Variants in TMC2 observed in about 807,000 individuals in gnomAD.
TMC2 encodes the protein transmembrane channel-like protein 2.
Under a neutral mutation model 105.9 loss-of-function variants are expected in TMC2, and 102 were observed. That is an observed-to-expected ratio of 0.96 (90% CI 0.82 to 1.14). TMC2 has a LOEUF of 1.14. TMC2 is among the 50% of genes most tolerant of loss of function. TMC2 has a pLI of 0.00. For synonymous variants in TMC2, 402 were observed against 422.8 expected (o/e 0.95, Z 0.60); for missense variants, 1,093 against 1,134.3 (o/e 0.96, Z 0.52).
At chr20:2,577,235 T>C (rs1193620035) in intron 5 of TMC2, among the ~76,000 whole-genome samples, 1 of 151,748 alleles carries the variant, frequency 6.6e-6, no homozygotes, top group Non-Finnish European at 1.5e-5. Context: ...GAGACAGGGT[T>C]TCACTATGTT....
rs553901966 is a variant in TMC2, at chr20:2,568,423, A to G, written c.555-3756A>G. Among the ~76,000 whole-genome samples the G allele has an allele frequency of 3.9e-5, 6 of 152,316 alleles. No homozygotes were observed. The South Asian group carries it at 8.3e-4, about 21-fold the overall frequency. On this transcript the variant is annotated intron_variant, in intron 4 of 19. Coordinates refer to ENST00000358864, the MANE Select transcript of TMC2 (RefSeq NM_080751.3). ...ACTCTTCACAGTGACTGGTCTTCAT[A>G]GTTTGCAACTAGCCTTTGGTAGGGT...
Position 2,579,956 on chromosome 20 carries a change from T to G in TMC2, c.734T>G (p.Phe245Cys). ...EMKIKDIESH[F>C]GSSVASYFIF... is the part of the protein sequence containing the mutation. ...CCGTCTTTTCTCTCTCTAGGTCACT[T>G]TGGTTCTTCAGTGGCATCGTATTTC... is the stretch of plus-strand genomic sequence containing the variant. Residue 245 changes from phenylalanine to cysteine, a missense_variant, in exon 7 of 20, where the codon TTT becomes TGT. By Grantham distance (205) the Phe-to-Cys change is radical. Transcript: ENST00000358864. 6.2e-7 allele frequency: 1 copy of G among 1,613,056 alleles called. No individual in the cohort carries two copies. The highest frequency in any genetic ancestry group is 8.5e-7 in the Non-Finnish European group (1 of 1,179,060).
At chr20:2,609,592 T>C (rs80126280) in intron 11 of TMC2, among the ~76,000 whole-genome samples, 4,057 of 152,264 alleles carry the variant, frequency 0.027, 190 homozygotes, top group African/African-American at 0.09. Flanking sequence ...CCATGAGAGC[T>C]GAAGAGGCAG....
chr20:2,579,166 A>G lies in TMC2; in HGVS notation c.666A>G (p.Arg222=). The G allele has an allele frequency of 1.9e-6, 3 of 1,592,314 alleles. No individual in the cohort carries two copies. The highest frequency in any genetic ancestry group is 2.6e-6 in the Non-Finnish European group (3 of 1,160,544). The change falls in exon 6 of 20, where the codon AGA becomes AGG. Residue 222 remains arginine (R), a synonymous_variant. Transcript: ENST00000358864. ...LMAKKWVKFK[R]DFDNFKTQCI... is the part of the protein sequence containing the mutation. ...TTCAGAAATGGGTCAAATTTAAGAGAGACTTTGATAATTTCAAGACTCAAT... is the reference window on the plus strand; with the variant it reads ...TTCAGAAATGGGTCAAATTTAAGAGGGACTTTGATAATTTCAAGACTCAAT...
intron 2 of TMC2, among the ~76,000 whole-genome samples, chr20:2,538,728 T>C (rs2085868752): frequency 6.6e-6 from 1 of 152,190 alleles, no homozygotes; most frequent in Non-Finnish European, 1.5e-5. Flanking sequence ...CCCTTTCCCA[T>C]AGAACACAGG....
intron 4 of TMC2, among the ~76,000 whole-genome samples, chr20:2,563,629 T>A (rs901326927): frequency 6.6e-6 from 1 of 152,216 alleles, no homozygotes; most frequent in Non-Finnish European, 1.5e-5. Flanking sequence ...TCTCACCACA[T>A]ACAAGAAACA....
At chr20:2,566,136 T>C (rs1032131368) in intron 4 of TMC2, among the ~76,000 whole-genome samples, 1 of 152,146 alleles carries the variant, frequency 6.6e-6, no homozygotes, top group Non-Finnish European at 1.5e-5. Flanking sequence ...TCTGGAGACT[T>C]TGGTTGGCTA....
chr20:2,558,444 C>G lies in TMC2; in HGVS notation c.83-12C>G. The G allele has an allele frequency of 6.4e-7, 1 of 1,552,468 alleles. No homozygotes were observed. The highest frequency in any genetic ancestry group is 8.7e-7 in the Non-Finnish European group (1 of 1,147,868). ...GTTGGAACCAGAACTGTCCATTTTC[C>G]CGCCCCGGCAGGTGACAGGCTGGGA... On this transcript the variant is annotated splice_polypyrimidine_tract_variant and intron_variant, in intron 2 of 19. Coordinates refer to ENST00000358864, the MANE Select transcript of TMC2 (RefSeq NM_080751.3). The surrounding 1 kb of genome is among the most constrained non-coding windows in gnomAD (Gnocchi z 4.6).
intron 7 of TMC2, among the ~76,000 whole-genome samples, chr20:2,584,431 G>C (rs1475061381): frequency 1.4e-5 from 2 of 139,314 alleles, no homozygotes; most frequent in Non-Finnish European, 3.0e-5. Flanking sequence ...GCGACAGAGC[G>C]AGACTCCGTC....
intron 16 of TMC2, among the ~76,000 whole-genome samples, chr20:2,623,535 C>T (rs1025858235): frequency 8.2e-6 from 1 of 121,488 alleles, no homozygotes; most frequent in African/African-American, 3.1e-5. Flanking sequence ...GAGACTCCAT[C>T]AAAAAAAAAA....
At chr20:2,595,605 T>G (rs533189693) in intron 9 of TMC2, among the ~76,000 whole-genome samples, 1 of 152,322 alleles carries the variant, frequency 6.6e-6, no homozygotes, top group Admixed American at 6.5e-5. Flanking sequence ...TCTGAAAACT[T>G]GGCCCAGCCC....
intron 7 of TMC2, among the ~76,000 whole-genome samples, chr20:2,591,640 A>G (rs73572251): frequency 0.037 from 5,593 of 152,124 alleles, 315 homozygotes; most frequent in African/African-American, 0.13. Context: ...GGGAGGCAGA[A>G]GTTATTGCAA....
chr20:2,545,253 A>G (rs73575088), intron 2 of TMC2, among the ~76,000 whole-genome samples: 1,725 of 152,286 alleles, frequency 0.011, 31 homozygotes, highest in African/African-American at 0.038. Context: ...ATACATACAT[A>G]AAGTATGAAA....
At chr20:2,579,341 G>A in intron 6 of TMC2, 114 bp downstream of exon 6, 1 of 455,236 alleles carries the variant, frequency 2.2e-6, no homozygotes, top group Non-Finnish European at 3.9e-6. Context: ...TGTTGTATTA[G>A]GAAAAAAGAA....
At chr20:2,552,684 T>A (rs1031162074) in intron 2 of TMC2, among the ~76,000 whole-genome samples, 1 of 152,090 alleles carries the variant, frequency 6.6e-6, no homozygotes, top group Non-Finnish European at 1.5e-5. Context: ...CCCAGCTAAT[T>A]TTTGTATTTT....
chr20:2,568,326 G>A (rs1359213845), intron 4 of TMC2, among the ~76,000 whole-genome samples: 2 of 152,152 alleles, frequency 1.3e-5, no homozygotes, highest in African/African-American at 4.8e-5. Context: ...TTGTGCCTTT[G>A]TTATTATTTA....
chr20:2,597,109 A>C, intron 9 of TMC2, 42 bp from the exon 10 acceptor site: 1 of 1,590,030 alleles, frequency 6.3e-7, no homozygotes, highest in Non-Finnish European at 8.6e-7. Flanking sequence ...GTGACACAGC[A>C]GAAAGAGGGC....
At chr20:2,559,282 T>C (rs73577111) in intron 3 of TMC2, among the ~76,000 whole-genome samples, 1,737 of 152,310 alleles carry the variant, frequency 0.011, 34 homozygotes, top group African/African-American at 0.039. Flanking sequence ...CCAGGAGACC[T>C]TCAAGGATGC....
intron 16 of TMC2, among the ~76,000 whole-genome samples, chr20:2,623,161 T>C (rs2086537942): frequency 6.6e-6 from 1 of 152,144 alleles, no homozygotes. Context: ...GACTTCATCT[T>C]AATTTTTATT....
Sources: gnomAD v4.1 joint callset for allele counts (sites outside exome capture counted in the v4.1 genomes callset) on GRCh38, gnomAD v4.1.1 for gene constraint, Gnocchi (gnomAD v3.1) non-coding constraint, MANE v1.5 for transcripts, NCBI Gene and HGNC (gene_info 2026-07-23, HGNC 2026-07-21) for gene names.